The following SCFD2 variants were observed in gnomAD, a reference collection of about 807,000 sequenced individuals.
SCFD2 encodes the protein sec1 family domain-containing protein 2.
In SCFD2, 54 loss-of-function variants were observed where a neutral mutation model predicts 58.9. That is an observed-to-expected ratio of 0.92 (90% CI 0.74 to 1.15). The LOEUF is 1.15. SCFD2 is among the 50% of genes most tolerant of loss of function. SCFD2 has a pLI of 0.00. For missense variants in SCFD2, 805 were observed against 836.6 expected (o/e 0.96, Z 0.47); for synonymous variants, 321 against 335.9 (o/e 0.96, Z 0.49).
intron 5 of SCFD2, among the ~76,000 whole-genome samples, chr4:53,032,105 A>G (rs1466201739): frequency 6.6e-6 from 1 of 152,212 alleles, no homozygotes; most frequent in Non-Finnish European, 1.5e-5. Flanking sequence ...CAGAAACTCT[A>G]CAAGCCAGAA....
chr4:53,295,590 C>G (rs755727233), intron 3 of SCFD2, among the ~76,000 whole-genome samples: 1 of 152,154 alleles, frequency 6.6e-6, no homozygotes, highest in African/African-American at 2.4e-5. Flanking sequence ...CAGAGAGAGA[C>G]AATTTGACTT....
At chr4:53,325,645 A>T (rs1733168566) in intron 2 of SCFD2, among the ~76,000 whole-genome samples, 1 of 152,232 alleles carries the variant, frequency 6.6e-6, no homozygotes, top group African/African-American at 2.4e-5. Flanking sequence ...TAAGTAGGTA[A>T]ATCTTAAATC....
At chr4:53,007,269 A>G (rs1377368946) in intron 5 of SCFD2, among the ~76,000 whole-genome samples, 1 of 137,486 alleles carries the variant, frequency 7.3e-6, no homozygotes, top group Non-Finnish European at 1.5e-5. Flanking sequence ...ACAGAGTAAG[A>G]CCTTGTTGAG....
At chr4:53,252,577 A>G (rs7673845) in intron 4 of SCFD2, among the ~76,000 whole-genome samples, 145,327 of 149,096 alleles carry the variant, frequency 0.97, 70,957 homozygotes, top group Middle Eastern at 1. Flanking sequence ...CAGAAATAAC[A>G]CCGCATATCT....
chr4:53,083,727 G>A (rs779192095), intron 5 of SCFD2, among the ~76,000 whole-genome samples: 1 of 152,166 alleles, frequency 6.6e-6, no homozygotes, highest in Non-Finnish European at 1.5e-5. Context: ...GCCGCCAGGG[G>A]TGACATCACA....
chr4:52,977,116 A>C (rs1721273914), intron 5 of SCFD2, among the ~76,000 whole-genome samples: 1 of 152,082 alleles, frequency 6.6e-6, no homozygotes, highest in Non-Finnish European at 1.5e-5. Flanking sequence ...GGCAAATTCT[A>C]CTTTGAACAA....
chr4:53,258,399 C>T (rs574025556), intron 4 of SCFD2, among the ~76,000 whole-genome samples: 48 of 151,906 alleles, frequency 3.2e-4, no homozygotes, highest in African/African-American at 1.1e-3. Context: ...TTCCCACTTT[C>T]GAGTGAGAAC....
Position 53,007,385 on chromosome 4 carries a change from A to AGAAGGAAGGAAGGAAG in SCFD2, c.1562-86531_1562-86516dup, listed in dbSNP as rs1423993421. On this transcript the variant is annotated intron_variant, in intron 5 of 8. Transcript: ENST00000401642. The stretch of plus-strand genomic sequence containing the variant: ...AGAGAGAAAGAAGGAAAGGAAGGAA[A>AGAAGGAAGGAAGGAAG]GAAGGAAGGAAGGAAGGAAGGGAGG... 4.1e-4 allele frequency among the ~76,000 whole-genome samples: 33 copies of AGAAGGAAGGAAGGAAG among 79,972 alleles called. 1 individual carries two copies. The highest frequency in any genetic ancestry group is 1.5e-3 in the African/African-American group (32 of 21,104). 52.5% of individuals were successfully genotyped at this position (79,972 alleles called of 152,430 possible). A position where few individuals can be genotyped will look rare whatever the true frequency, so the allele number is the denominator to read the frequency against.
rs548414114 is a variant in SCFD2 at position 53,111,996 on chromosome 4, AAAC to A, written c.1561+33334_1561+33336del. 9.2e-5 allele frequency among the ~76,000 whole-genome samples: 14 copies of A among 152,238 alleles called. No homozygotes were observed. The South Asian group carries it at 1.7e-3, about 18-fold the overall frequency. On this transcript the variant is annotated intron_variant, in intron 5 of 8. Coordinates refer to ENST00000401642, the MANE Select transcript of SCFD2 (RefSeq NM_152540.4). Reference sequence around the variant, plus strand: ...AATTAGTCAAAGATAAATGTGCTAAAAACAACAACAACAACAAATGAAGATCAT... The same window carrying A: ...AATTAGTCAAAGATAAATGTGCTAAAAACAACAACAACAAATGAAGATCAT...
intron 5 of SCFD2, among the ~76,000 whole-genome samples, chr4:53,134,511 TTGA>T (rs779367079): frequency 2.4e-4 from 37 of 152,326 alleles, no homozygotes; most frequent in Middle Eastern, 3.4e-3. Context: ...TTTTAAAAAG[TTGA>T]TGATAATTTT....
At chr4:53,236,393 T>C (rs1250534655) in intron 4 of SCFD2, among the ~76,000 whole-genome samples, 1 of 151,154 alleles carries the variant, frequency 6.6e-6, no homozygotes, top group Non-Finnish European at 1.5e-5. Context: ...CATATGTAAG[T>C]GTGTGTGTAT....
At chr4:52,957,778 G>A (rs1720745163) in intron 5 of SCFD2, 1 of 152,248 alleles carries the variant, frequency 6.6e-6, no homozygotes, top group South Asian at 2.1e-4. Context: ...GTAGCTCTAA[G>A]TGCTGGGCCA....
chr4:53,329,150 T>C (rs1349045676), intron 2 of SCFD2, among the ~76,000 whole-genome samples: 15 of 152,136 alleles, frequency 9.9e-5, no homozygotes, highest in East Asian at 1.9e-4. Context: ...AACTGCAAGG[T>C]GGCAGCGAGG....
At chr4:53,171,769 T>C (rs1727184637) in intron 4 of SCFD2, among the ~76,000 whole-genome samples, 1 of 152,020 alleles carries the variant, frequency 6.6e-6, no homozygotes, top group Non-Finnish European at 1.5e-5. Context: ...GGTTATCCCA[T>C]TTGTTGCTGT....
At chr4:53,087,008 A>G (rs1724325842) in intron 5 of SCFD2, among the ~76,000 whole-genome samples, 1 of 152,172 alleles carries the variant, frequency 6.6e-6, no homozygotes, top group Non-Finnish European at 1.5e-5. Context: ...ACAATAATTT[A>G]GATAGCTGGA....
intron 4 of SCFD2, among the ~76,000 whole-genome samples, chr4:53,246,886 A>C (rs1396181708): frequency 3.3e-5 from 5 of 150,184 alleles, no homozygotes; most frequent in African/African-American, 1.2e-4. Flanking sequence ...ACAGTAAAAG[A>C]AGCTATCAAC....
chr4:53,291,301 C>G (rs1319164166), intron 3 of SCFD2, among the ~76,000 whole-genome samples: 1 of 152,022 alleles, frequency 6.6e-6, no homozygotes, highest in Non-Finnish European at 1.5e-5. Flanking sequence ...ATATGCAAAT[C>G]AAAAATCACA....
chr4:53,296,496 T>C (rs1307371522), intron 3 of SCFD2, among the ~76,000 whole-genome samples: 5 of 152,198 alleles, frequency 3.3e-5, no homozygotes, highest in Non-Finnish European at 7.3e-5. Context: ...TCCTTTATCA[T>C]TTTTTATGGT....
chr4:53,099,155 C>T (rs574479405), intron 5 of SCFD2, among the ~76,000 whole-genome samples: 2 of 152,280 alleles, frequency 1.3e-5, no homozygotes, highest in East Asian at 1.9e-4. Context: ...ATCACTTCTA[C>T]CACCACCATT....
Sources: gnomAD v4.1 joint callset for allele counts (sites outside exome capture counted in the v4.1 genomes callset) on GRCh38, gnomAD v4.1.1 for gene constraint, MANE v1.5 for transcripts, NCBI Gene and HGNC (gene_info 2026-07-23, HGNC 2026-07-21) for gene names.